The following TRDN variants were observed in gnomAD, a reference collection of about 807,000 sequenced individuals.
The protein encoded by TRDN is triadin in skeletal muscle.
In TRDN, 161 loss-of-function variants were observed where a neutral mutation model predicts 149.7. That is an observed-to-expected ratio of 1.08 (90% CI 0.95 to 1.23). The LOEUF is 1.23. TRDN is among the 50% of genes most tolerant of loss of function. TRDN has a pLI of 0.00. For synonymous variants in TRDN, 294 were observed against 250.5 expected, an observed-to-expected ratio of 1.17 and a Z score of -1.64; for missense variants, 896 against 823.5, an observed-to-expected ratio of 1.09 and a Z score of -1.08.
At chr6:123,629,033 A>G (rs1477723190) in intron 1 of TRDN, among the ~76,000 whole-genome samples, 2 of 152,144 alleles carry the variant, frequency 1.3e-5, no homozygotes, top group African/African-American at 4.8e-5. Context: ...CAGATTTTAC[A>G]GTACGCTTTT....
At chr6:123,383,515 G>T (rs1039033696) in intron 14 of TRDN, among the ~76,000 whole-genome samples, 14 of 151,944 alleles carry the variant, frequency 9.2e-5, no homozygotes, top group Non-Finnish European at 1.8e-4. Context: ...TCAGTAATGG[G>T]CATATTAAAC....
intron 4 of TRDN, among the ~76,000 whole-genome samples, chr6:123,542,845 T>A (rs1207922914): frequency 7.0e-6 from 1 of 142,500 alleles, no homozygotes; most frequent in African/African-American, 2.8e-5. Context: ...TCTCTCTGAG[T>A]GTGTGCATGT....
chr6:123,449,533 G>A (rs1215883988), intron 10 of TRDN, among the ~76,000 whole-genome samples: 3 of 152,070 alleles, frequency 2.0e-5, no homozygotes, highest in African/African-American at 7.2e-5. Context: ...CAGTGAATAA[G>A]AAAATATGAA....
chr6:123,634,383 G>C (rs148614323), intron 1 of TRDN, among the ~76,000 whole-genome samples: 13 of 151,950 alleles, frequency 8.6e-5, no homozygotes, highest in Non-Finnish European at 1.8e-4. Context: ...TGAGACTGCA[G>C]TGAGCTATGA....
intron 24 of TRDN, among the ~76,000 whole-genome samples, chr6:123,301,780 T>TAC (rs1778435232): frequency 1.1e-5 from 1 of 90,228 alleles, no homozygotes; most frequent in Admixed American, 1.3e-4. Flanking sequence ...CATATATATA[T>TAC]ATATATACAT....
chr6:123,304,386 G>A (rs2114676576), intron 24 of TRDN, among the ~76,000 whole-genome samples: 1 of 151,376 alleles, frequency 6.6e-6, no homozygotes, highest in East Asian at 2.0e-4. Context: ...CCAAGTAGCT[G>A]GGACTACAGG....
rs78279606 is a variant in TRDN, at chr6:123,343,896, G to C, written c.1370-6227C>G. On this transcript the variant is annotated intron_variant, in intron 21 of 40. Transcript: ENST00000334268. ...TTGAAATCCTACTCCCAATGTTATG[G>C]TATGGCACCTCTGGCAGATAATTAG... Among the ~76,000 whole-genome samples, 565 of 152,012 alleles carry C rather than the reference G, an allele frequency of 3.7e-3. 18 individuals carry two copies. The East Asian group carries it at 0.05, about 14-fold the overall frequency.
At position 123,245,349 on chromosome 6, in the gene TRDN, G is replaced by C. The variant is rs115461707; in HGVS notation, c.1975+7063C>G. On this transcript the variant is annotated intron_variant, in intron 38 of 40. Coordinates refer to ENST00000334268, the MANE Select transcript of TRDN (RefSeq NM_006073.4). ...TCAGTGTGCTGTATTCAGGAGACAC[G>C]TCACACATGCAAATACACACATAGG... Among the ~76,000 whole-genome samples, 1,068 of 151,910 alleles carry C rather than the reference G, an allele frequency of 7.0e-3. 12 individuals are homozygous for C. The highest frequency in any genetic ancestry group is 0.025 in the African/African-American group (1,018 of 41,412).
At chr6:123,575,728 T>C (rs1179500099) in intron 1 of TRDN, among the ~76,000 whole-genome samples, 5 of 152,134 alleles carry the variant, frequency 3.3e-5, no homozygotes, top group African/African-American at 9.6e-5. Flanking sequence ...GCTTATATAA[T>C]GGATCTAAAG....
intron 27 of TRDN, among the ~76,000 whole-genome samples, chr6:123,273,825 T>C (rs546573391): frequency 1.3e-5 from 2 of 152,174 alleles, no homozygotes; most frequent in South Asian, 4.1e-4. Flanking sequence ...ATAGCTACCA[T>C]AGAGCCTGAG....
chr6:123,323,194 A>G lies in TRDN; in HGVS notation c.1472-6699T>C, dbSNP rs191897325. 4.1e-4 allele frequency among the ~76,000 whole-genome samples: 62 copies of G among 152,326 alleles called. No homozygotes were observed. The East Asian group carries it at 0.011, about 27-fold the overall frequency. The stretch of plus-strand genomic sequence containing the variant: ...CTATCCAAAACCCTTACATGTATGG[A>G]AAAACACATTAGAACTGACTCACTA... On this transcript the variant is annotated intron_variant, in intron 23 of 40. Transcript: ENST00000334268.
At chr6:123,559,351 T>C (rs1781851279) in intron 2 of TRDN, among the ~76,000 whole-genome samples, 1 of 152,164 alleles carries the variant, frequency 6.6e-6, no homozygotes, top group African/African-American at 2.4e-5. Context: ...TTTTAAGCAC[T>C]CCTTTTAATT....
rs142013658 is a variant in TRDN at position 123,414,780 on chromosome 6, T to C, written c.1052-21103A>G. On this transcript the variant is annotated intron_variant, in intron 12 of 40. Coordinates refer to ENST00000334268, the MANE Select transcript of TRDN (RefSeq NM_006073.4). ...CTGCTCACAATTAGTAATATAAGAA[T>C]CTTTTGATTATTGCTGGAAAATGAG... 5.3e-5 allele frequency among the ~76,000 whole-genome samples: 8 copies of C among 152,244 alleles called. No homozygotes were observed. The South Asian group carries it at 1.7e-3, about 32-fold the overall frequency.
At chr6:123,455,029 T>C (rs1776023276) in intron 10 of TRDN, among the ~76,000 whole-genome samples, 1 of 152,192 alleles carries the variant, frequency 6.6e-6, no homozygotes, top group Non-Finnish European at 1.5e-5. Context: ...GTGAAAAACT[T>C]TCAAGCTGAT....
At chr6:123,369,840 C>G (rs945827014) in intron 19 of TRDN, among the ~76,000 whole-genome samples, 4 of 152,204 alleles carry the variant, frequency 2.6e-5, no homozygotes, top group African/African-American at 9.6e-5. Context: ...TTTGTTCTTG[C>G]CAGTATTGCT....
intron 9 of TRDN, among the ~76,000 whole-genome samples, chr6:123,475,657 C>T (rs1338630117): frequency 8.5e-6 from 1 of 117,364 alleles, no homozygotes; most frequent in African/African-American, 3.4e-5. Context: ...CAAAAATCCT[C>T]AATAAAATAC....
chr6:123,497,289 G>A lies in TRDN; in HGVS notation c.794-37C>T, dbSNP rs199816013. The A allele has an allele frequency of 2.9e-6, 4 of 1,386,308 alleles. No homozygotes were observed. In the African/African-American group the frequency reaches 6.1e-5, roughly 21 times the overall value. The allele number at this position is 1,386,308 out of a possible 1,614,324, so 85.9% of individuals were successfully genotyped here. ...GAAAGAAAAAGAGCAATGAAAAAAT[G>A]TCATCAACACTTCATTTTTCTACAG... On this transcript the variant is annotated intron_variant, in intron 8 of 40. Coordinates refer to ENST00000334268, the MANE Select transcript of TRDN (RefSeq NM_006073.4).
At chr6:123,584,502 A>G (rs915596859) in intron 1 of TRDN, among the ~76,000 whole-genome samples, 1 of 152,070 alleles carries the variant, frequency 6.6e-6, no homozygotes, top group African/African-American at 2.4e-5. Context: ...CTAGGAAGGA[A>G]AGGAGTTGTT....
intron 22 of TRDN, among the ~76,000 whole-genome samples, chr6:123,337,181 A>C (rs1027679537): frequency 6.6e-6 from 1 of 152,020 alleles, no homozygotes; most frequent in Non-Finnish European, 1.5e-5. Context: ...ACCAAATATT[A>C]CTTCCTATTT....
Sources: gnomAD v4.1 joint callset for allele counts (sites outside exome capture counted in the v4.1 genomes callset) on GRCh38, gnomAD v4.1.1 for gene constraint, MANE v1.5 for transcripts, NCBI Gene and HGNC (gene_info 2026-07-23, HGNC 2026-07-21) for gene names.